Variants in SLA2 observed in about 807,000 individuals in gnomAD.
SLA2 encodes the protein src-like-adapter 2.
A neutral mutation model predicts 27.3 loss-of-function variants in SLA2; 22 were observed. That is an observed-to-expected ratio of 0.81 (90% confidence interval 0.58 to 1.15). The LOEUF (loss-of-function observed/expected upper bound fraction) is 1.15. Ranked by LOEUF, SLA2 falls within the 50% of genes most tolerant of loss-of-function variation. SLA2 has a pLI of 0.00. For synonymous variants in SLA2, 131 were observed against 137.8 expected (o/e 0.95, Z 0.34); for missense variants, 304 against 322.2 (o/e 0.94, Z 0.43).
At chr20:36,621,329 G>T in intron 5 of SLA2, 1 of 616,706 alleles carries the variant, frequency 1.6e-6, no homozygotes, top group Non-Finnish European at 3.1e-6. Flanking sequence ...CCTATGAAAG[G>T]AGGCAGTTTT....
At position 36,613,463 on chromosome 20, in the gene SLA2, CTA is replaced by C. The variant is rs2039166098; in HGVS notation, c.*401_*402del. 6.1e-6 allele frequency: 1 copy of C among 163,786 alleles called. No individual in the cohort carries two copies. Among genetic ancestry groups the C allele is most frequent in the Non-Finnish European group, 1.3e-5 (1 of 75,910 alleles). The allele number at this position is 163,786 out of a possible 1,614,324, so 10.1% of individuals were successfully genotyped here. A position where few individuals can be genotyped will look rare whatever the true frequency, so the allele number is the denominator to read the frequency against. ...TCTGAAAATGACTTTCTCGTTGACT[CTA>C]GGGGTTGTTTCTACCTTGTGGGTGG... On this transcript the variant is annotated 3_prime_UTR_variant, in exon 8 of 8. Transcript: ENST00000262866.
intron 2 of SLA2, among the ~76,000 whole-genome samples, chr20:36,636,739 G>T (rs1320945017): frequency 1.3e-5 from 2 of 150,686 alleles, no homozygotes; most frequent in African/African-American, 4.9e-5. Flanking sequence ...CCTGAGGTCG[G>T]GAGTTCCAGA....
In SLA2 at chr20:36,613,667, G is replaced by A; in HGVS notation, c.*199C>T. 1 of 585,162 alleles carries A rather than the reference G, an allele frequency of 1.7e-6. No homozygotes were observed. 36.2% of individuals were successfully genotyped at this position (585,162 alleles called of 1,614,324 possible). ...CACTCGCACTAGAGGTCGCAGGTGGGATCATGGCACTGGAAGGAAGTAGGT... is the reference window on the plus strand; with the variant it reads ...CACTCGCACTAGAGGTCGCAGGTGGAATCATGGCACTGGAAGGAAGTAGGT... On this transcript the variant is annotated 3_prime_UTR_variant, in exon 8 of 8. Transcript: ENST00000262866.
chr20:36,619,390 G>A (rs1223888964), intron 5 of SLA2, among the ~76,000 whole-genome samples: 2 of 150,344 alleles, frequency 1.3e-5, no homozygotes, highest in East Asian at 4.0e-4. Flanking sequence ...GCCAGGCATG[G>A]TGGCACACGC....
intron 2 of SLA2, among the ~76,000 whole-genome samples, chr20:36,640,509 T>C (rs2039495942): frequency 6.8e-6 from 1 of 146,498 alleles, no homozygotes; most frequent in Admixed American, 6.7e-5. Flanking sequence ...AAAGACCTTT[T>C]TTTTTTTTTT....
chr20:36,615,187 T>C (rs779196521), intron 6 of SLA2, 38 bp downstream of exon 6: 1 of 1,613,578 alleles, frequency 6.2e-7, no homozygotes, highest in Non-Finnish European at 8.5e-7. Context: ...CCCCACAGAC[T>C]ATCCCAGCCT....
intron 5 of SLA2, among the ~76,000 whole-genome samples, chr20:36,619,888 T>C (rs1277328043): frequency 2.7e-5 from 4 of 149,654 alleles, no homozygotes; most frequent in Admixed American, 6.7e-5. Flanking sequence ...TGTCTCGGCC[T>C]CCCAAAGTGC....
intron 2 of SLA2, among the ~76,000 whole-genome samples, chr20:36,639,777 C>T (rs1035199759): frequency 2.0e-5 from 3 of 151,270 alleles, no homozygotes; most frequent in Non-Finnish European, 2.9e-5. Flanking sequence ...AGGAGAATGG[C>T]GTGAACGCAG....
At chr20:36,621,625 CAAACA>C (rs924955689) in intron 5 of SLA2, among the ~76,000 whole-genome samples, 6 of 147,866 alleles carry the variant, frequency 4.1e-5, no homozygotes, top group African/African-American at 7.4e-5. Flanking sequence ...GACTCCATCT[CAAACA>C]AAACAAAACA....
chr20:36,632,764 TACC>T (rs2039405461), intron 4 of SLA2, 66 bp from the exon 5 acceptor site: 1 of 1,293,342 alleles, frequency 7.7e-7, no homozygotes, highest in African/African-American at 1.5e-5. Context: ...GCCAAGATTT[TACC>T]ACCACCGCTG....
chr20:36,617,492 C>T (rs2147977577), intron 5 of SLA2, among the ~76,000 whole-genome samples: 1 of 148,664 alleles, frequency 6.7e-6, no homozygotes, highest in Admixed American at 6.7e-5. Flanking sequence ...CAAGATTGTG[C>T]CACTGCACTC....
chr20:36,637,266 G>A (rs1007798179), intron 2 of SLA2, among the ~76,000 whole-genome samples: 7 of 144,816 alleles, frequency 4.8e-5, no homozygotes, highest in Non-Finnish European at 1.0e-4. Context: ...GCAGTGGTGC[G>A]ATCTTGGCTC....
At chr20:36,625,556 C>T (rs551017045) in intron 5 of SLA2, among the ~76,000 whole-genome samples, 1 of 150,700 alleles carries the variant, frequency 6.6e-6, no homozygotes, top group East Asian at 2.0e-4. Flanking sequence ...ATTTAGCCAG[C>T]TGTGGTGGCT....
intron 2 of SLA2, among the ~76,000 whole-genome samples, chr20:36,638,744 T>G (rs535913596): frequency 9.6e-4 from 146 of 152,376 alleles, no homozygotes; most frequent in African/African-American, 3.3e-3. Flanking sequence ...AGTAGTGTGA[T>G]CTTGTTATCT....
At chr20:36,635,963 C>G (rs376882372) in intron 2 of SLA2, among the ~76,000 whole-genome samples, 1 of 152,288 alleles carries the variant, frequency 6.6e-6, no homozygotes, top group East Asian at 1.9e-4. Context: ...TGGTCAGAAT[C>G]CCTTAAAACA....
rs749554919 is a variant in SLA2 at position 36,614,402 on chromosome 20, G to A, written c.568C>T (p.Pro190Ser). The change falls in exon 7 of 8, where the codon CCC becomes TCC. Residue 190 changes from proline (P) to serine (S), a missense_variant. By Grantham distance (74) the Pro-to-Ser change is moderately conservative (BLOSUM62 -1). Coordinates refer to ENST00000262866, the MANE Select transcript of SLA2 (RefSeq NM_032214.4). ...ADDICCLLKE[P>S]CVLQRAGPLP... Reference sequence around the variant, plus strand: ...GGGCCAGCCCTCTGCAGGACACAGGGCTCCTTGAGTAGGCAGCAGATGTCA... The same window carrying A: ...GGGCCAGCCCTCTGCAGGACACAGGACTCCTTGAGTAGGCAGCAGATGTCA... 1.9e-6 allele frequency: 3 copies of A among 1,613,026 alleles called. No individual in the cohort carries two copies. Among genetic ancestry groups the A allele is most frequent in the African/African-American group, 1.3e-5 (1 of 74,990 alleles).
At chr20:36,628,649 G>A (rs2039363093) in intron 5 of SLA2, among the ~76,000 whole-genome samples, 1 of 151,900 alleles carries the variant, frequency 6.6e-6, no homozygotes, top group Non-Finnish European at 1.5e-5. Context: ...GGGCTTAAGT[G>A]ATCCTCCTGC....
chr20:36,644,309 T>G (rs1978285964), intron 1 of SLA2, among the ~76,000 whole-genome samples: 3 of 152,114 alleles, frequency 2.0e-5, no homozygotes, highest in Admixed American at 6.6e-5. Flanking sequence ...AGTGCCCACT[T>G]GAACCTGGCT....
intron 2 of SLA2, among the ~76,000 whole-genome samples, chr20:36,638,434 T>TTCTC (rs1311945771): frequency 6.6e-6 from 1 of 151,972 alleles, no homozygotes; most frequent in African/African-American, 2.4e-5. Flanking sequence ...GTTCAAGCAG[T>TTCTC]TCTCCTGTCT....
Sources: allele counts gnomAD v4.1 joint callset (sites outside exome capture counted in the v4.1 genomes callset), GRCh38; gene constraint gnomAD v4.1.1; transcripts MANE v1.5; gene names NCBI Gene and HGNC (gene_info 2026-07-23, HGNC 2026-07-21).